IL1RAPL2: variants seen among roughly 807,000 people sequenced by gnomAD.
IL1RAPL2 encodes interleukin 1 receptor accessory protein like 2.
In IL1RAPL2, 3 loss-of-function variants were observed where a neutral mutation model predicts 44.1. The observed-to-expected ratio is 0.07, with a 90% CI of 0.03 to 0.18. The LOEUF is 0.18. Among genes scored for constraint, IL1RAPL2 ranks in the 10% least tolerant of loss-of-function variants. The pLI is 1.00. For missense variants in IL1RAPL2, 391 were observed against 496.4 expected, an observed-to-expected ratio of 0.79 and a Z score of 2.02; for synonymous variants, 181 against 178.8, an observed-to-expected ratio of 1.01 and a Z score of -0.10.
intron 2 of IL1RAPL2, among the ~76,000 whole-genome samples, chrX:105,019,915 G>A (rs780732657): frequency 7.2e-5 from 8 of 111,227 alleles, no homozygotes; most frequent in Non-Finnish European, 1.3e-4. Context: ...AGATTTTGGA[G>A]CCAAAGAAAC....
intron 5 of IL1RAPL2, among the ~76,000 whole-genome samples, chrX:105,270,265 A>G (rs1364355005): frequency 9.0e-6 from 1 of 111,629 alleles, no homozygotes; most frequent in Non-Finnish European, 1.9e-5. Flanking sequence ...CATAGGTTTG[A>G]TTATTTTGTG....
At chrX:105,436,100 A>G (rs765931516) in intron 5 of IL1RAPL2, among the ~76,000 whole-genome samples, 1 of 111,876 alleles carries the variant, frequency 8.9e-6, no homozygotes, top group South Asian at 3.7e-4. Context: ...ATGCAACAGT[A>G]TGGATGAATC....
At chrX:105,332,194 C>A (rs955578061) in intron 5 of IL1RAPL2, among the ~76,000 whole-genome samples, 2 of 110,602 alleles carry the variant, frequency 1.8e-5, no homozygotes, top group Non-Finnish European at 3.8e-5. Context: ...ACCCTGCCAC[C>A]CCAAATAATA....
At chrX:105,570,213 C>G (rs1227500578) in intron 6 of IL1RAPL2, among the ~76,000 whole-genome samples, 1 of 111,494 alleles carries the variant, frequency 9.0e-6, no homozygotes, top group African/African-American at 3.3e-5. Flanking sequence ...TGAGAACATA[C>G]AATGTTTGCT....
At chrX:105,336,811 A>G (rs2035032143) in intron 5 of IL1RAPL2, among the ~76,000 whole-genome samples, 1 of 111,860 alleles carries the variant, frequency 8.9e-6, no homozygotes, top group African/African-American at 3.3e-5. Context: ...TCCACCTTCA[A>G]ACCTGCTCCT....
chrX:104,908,622 A>T (rs1220676736), intron 2 of IL1RAPL2, among the ~76,000 whole-genome samples: 2 of 111,641 alleles, frequency 1.8e-5, no homozygotes, highest in Non-Finnish European at 3.8e-5. Context: ...AAGAATGTTG[A>T]ATATTGGCCC....
intron 7 of IL1RAPL2, among the ~76,000 whole-genome samples, chrX:105,728,084 C>A (rs2038367284): frequency 2.7e-5 from 3 of 111,470 alleles, no homozygotes; most frequent in Admixed American, 1.9e-4. Flanking sequence ...GTTGTACCAT[C>A]TATGGGTTTC....
intron 2 of IL1RAPL2, among the ~76,000 whole-genome samples, chrX:105,056,435 C>T (rs865893108): frequency 9.0e-6 from 1 of 111,481 alleles, no homozygotes; most frequent in African/African-American, 3.3e-5. Context: ...AAATCCATAC[C>T]TCTGAACTGG....
chrX:105,364,988 A>C (rs1344507887), intron 5 of IL1RAPL2, among the ~76,000 whole-genome samples: 1 of 111,791 alleles, frequency 8.9e-6, no homozygotes, highest in African/African-American at 3.2e-5. Flanking sequence ...CTGCTCATCA[A>C]AGAAAAGATT....
Position 105,144,094 on chromosome X carries a change from GGTGTGTGTGTGTGTGTGTGTGT to G in IL1RAPL2, c.83-51354_83-51333del, listed in dbSNP as rs762069943. On this transcript the variant is annotated intron_variant, in intron 2 of 10. Coordinates refer to ENST00000372582, the MANE Select transcript of IL1RAPL2 (RefSeq NM_017416.2). ...AGTCAGAGTCTCCTTTCAACAGATG[GGTGTGTGTGTGTGTGTGTGTGT>G]GTGTGTGTGTGTGTGTGTGTGTGTG... 5.0e-5 allele frequency among the ~76,000 whole-genome samples: 4 copies of G among 79,571 alleles called. No individual in the cohort carries two copies. The Admixed American group carries it at 5.9e-4, about 12-fold the overall frequency. The allele number at this position is 79,571 out of a possible 115,157, so 69.1% of individuals were successfully genotyped here.
At chrX:104,640,797 T>A (rs1480035065) in intron 1 of IL1RAPL2, among the ~76,000 whole-genome samples, 1 of 112,138 alleles carries the variant, frequency 8.9e-6, no homozygotes, top group Non-Finnish European at 1.9e-5. Flanking sequence ...CTTAGTAGCT[T>A]AGGGTATGAT....
chrX:105,420,740 A>C (rs1052002869), intron 5 of IL1RAPL2, among the ~76,000 whole-genome samples: 4 of 111,883 alleles, frequency 3.6e-5, no homozygotes, highest in Admixed American at 1.9e-4. Flanking sequence ...TTGCCACTTA[A>C]ATGACAGCAA....
intron 6 of IL1RAPL2, among the ~76,000 whole-genome samples, chrX:105,654,905 C>G (rs1653734759): frequency 8.9e-6 from 1 of 111,734 alleles, no homozygotes; most frequent in African/African-American, 3.3e-5. Flanking sequence ...AGATCACTCT[C>G]CAGTTTAATT....
intron 5 of IL1RAPL2, among the ~76,000 whole-genome samples, chrX:105,353,582 T>C (rs933541105): frequency 1.8e-5 from 2 of 111,655 alleles, no homozygotes; most frequent in African/African-American, 6.5e-5. Context: ...TGTTCTTCCA[T>C]TTGTTTGTAT....
intron 6 of IL1RAPL2, among the ~76,000 whole-genome samples, chrX:105,657,432 CAGAT>C (rs1248926115): frequency 7.2e-5 from 8 of 111,815 alleles, no homozygotes; most frequent in African/African-American, 2.6e-4. Context: ...TGGGATGTCT[CAGAT>C]AATTTGGTGA....
intron 10 of IL1RAPL2, among the ~76,000 whole-genome samples, chrX:105,757,154 C>G (rs759420826): frequency 8.9e-6 from 1 of 111,885 alleles, no homozygotes; most frequent in Non-Finnish European, 1.9e-5. Context: ...TCTACTCATA[C>G]TTTCCACTCT....
intron 3 of IL1RAPL2, chrX:105,219,194 A>G (rs782224917): frequency 5.0e-6 from 6 of 1,207,929 alleles, no homozygotes; most frequent in Non-Finnish European, 5.6e-6. Context: ...TCCCAGTCGG[A>G]AGGCAGCTGA....
In IL1RAPL2 at chrX:104,683,054, G is replaced by A. The variant is rs568715482; in HGVS notation, c.82+24059G>A. On this transcript the variant is annotated intron_variant, in intron 2 of 10. Coordinates refer to ENST00000372582, the MANE Select transcript of IL1RAPL2 (RefSeq NM_017416.2). ...AACCATGCTCTGGTAAGAAGGGACCGGATCTATGGAAAAGAAATGCTCTGC... is the reference window on the plus strand; with the variant it reads ...AACCATGCTCTGGTAAGAAGGGACCAGATCTATGGAAAAGAAATGCTCTGC... Among the ~76,000 whole-genome samples the A allele has an allele frequency of 8.1e-5, 9 of 111,289 alleles. No individual in the cohort carries two copies. In the South Asian group the frequency reaches 1.5e-3, roughly 19 times the overall value.
chrX:105,046,707 G>A (rs1034773410), intron 2 of IL1RAPL2, among the ~76,000 whole-genome samples: 3 of 110,894 alleles, frequency 2.7e-5, no homozygotes, highest in African/African-American at 9.8e-5. Context: ...TTTACTGGTA[G>A]GTTTGAGCAC....
Sources: allele counts gnomAD v4.1 joint callset (sites outside exome capture counted in the v4.1 genomes callset), GRCh38; gene constraint gnomAD v4.1.1; transcripts MANE v1.5; gene names NCBI Gene and HGNC (gene_info 2026-07-23, HGNC 2026-07-21).